EPHB2: variants seen among roughly 807,000 people sequenced by gnomAD.
EPHB2 encodes the protein ephrin type-B receptor 2.
A neutral mutation model predicts 96.4 loss-of-function variants in EPHB2; 18 were observed. The observed-to-expected ratio is 0.19, with a 90% CI of 0.13 to 0.28. The LOEUF (loss-of-function observed/expected upper bound fraction) is 0.28, where lower values mean the gene tolerates loss of function less well. EPHB2 is among the 10% of genes least tolerant of loss of function. The pLI is 1.00. For missense variants in EPHB2, 989 were observed against 1,355.4 expected (o/e 0.73, Z 4.25); for synonymous variants, 506 against 534.1 (o/e 0.95, Z 0.72).
intron 5 of EPHB2, among the ~76,000 whole-genome samples, chr1:22,869,311 A>G (rs908225940): frequency 3.3e-5 from 5 of 152,110 alleles, no homozygotes; most frequent in African/African-American, 1.2e-4. Context: ...CTCCAAGTCT[A>G]CACTGTTCTG....
rs144650610 is a variant in EPHB2 at position 22,801,180 on chromosome 1, A to T, written c.811+16104A>T. 4.9e-4 allele frequency among the ~76,000 whole-genome samples: 75 copies of T among 152,244 alleles called. 1 individual carries two copies. In the East Asian group the frequency reaches 0.014, roughly 29 times the overall value. ...CGATAGGCACAGGGTGGTGGTGAAG[A>T]TGTGAGTGGTGAAGCCCCTGCCAAG... On this transcript the variant is annotated intron_variant, in intron 3 of 15. Coordinates refer to ENST00000374630, the MANE Select transcript of EPHB2 (RefSeq NM_017449.5).
intron 3 of EPHB2, among the ~76,000 whole-genome samples, chr1:22,856,241 G>C (rs987483593): frequency 7.9e-5 from 12 of 152,224 alleles, no homozygotes; most frequent in Admixed American, 5.9e-4. Flanking sequence ...GCCAGGCCCA[G>C]ATGGAGTCCT....
rs1491003145 is a variant in EPHB2, at chr1:22,913,919, A to G, written c.*349A>G. 2.6e-6 allele frequency: 4 copies of G among 1,510,228 alleles called. No individual in the cohort carries two copies. The highest frequency in any genetic ancestry group is 1.4e-5 in the African/African-American group (1 of 71,620). The allele number at this position is 1,510,228 out of a possible 1,614,324, so 93.6% of individuals were successfully genotyped here. A position where few individuals can be genotyped will look rare whatever the true frequency, so the allele number is the denominator to read the frequency against. On this transcript the variant is annotated 3_prime_UTR_variant, in exon 16 of 16. Transcript: ENST00000374630. This position sits in a 1 kb window ranked among gnomAD's most constrained non-coding sequence, Gnocchi z 4.1. ...GATGTGTCCAATCGGAGACAAAAGCAGTTTCTCTCCAACTCCCTCTGGGAA... is the reference window on the plus strand; with the variant it reads ...GATGTGTCCAATCGGAGACAAAAGCGGTTTCTCTCCAACTCCCTCTGGGAA...
At position 22,733,757 on chromosome 1, in the gene EPHB2, C is replaced by T. The variant is rs12566963; in HGVS notation, c.61+22714C>T. ...AGCCCATGCTCATGACACGCTACTA[C>T]ATCAGGCTGGTATGATTTGGTGGGG... On this transcript the variant is annotated intron_variant, in intron 1 of 15. Coordinates refer to ENST00000374630, the MANE Select transcript of EPHB2 (RefSeq NM_017449.5). This position sits in a 1 kb window ranked among gnomAD's most constrained non-coding sequence, Gnocchi z 4.6. 2.2e-3 allele frequency among the ~76,000 whole-genome samples: 337 copies of T among 152,336 alleles called. 8 individuals are homozygous for T. In the East Asian group the frequency reaches 0.057, roughly 26 times the overall value.
At chr1:22,883,967 C>T (rs964106030) in intron 6 of EPHB2, among the ~76,000 whole-genome samples, 4 of 152,094 alleles carry the variant, frequency 2.6e-5, no homozygotes, top group African/African-American at 9.7e-5. Context: ...TCATGCCTGC[C>T]GTCCCCCCAC....
Position 22,711,006 on chromosome 1 carries a change from C to A in EPHB2, c.24C>A (p.Ala8=), listed in dbSNP as rs1449882961. MALRRLG[A]ALLLLPLLAA... is the part of the protein sequence containing the mutation. The stretch of plus-strand genomic sequence containing the variant: ...CCATGGCTCTGCGGAGGCTGGGGGC[C>A]GCGCTGCTGCTGCTGCCGCTGCTCG... Residue 8 remains alanine, a synonymous_variant, in exon 1 of 16, where the codon GCC becomes GCA. Coordinates refer to ENST00000374630, the MANE Select transcript of EPHB2 (RefSeq NM_017449.5). 3 of 151,754 alleles carry A rather than the reference C, an allele frequency of 2.0e-5. No homozygotes were observed. In the South Asian group the frequency reaches 4.9e-4, roughly 25 times the overall value. The allele number at this position is 151,754 out of a possible 1,614,324, so 9.4% of individuals were successfully genotyped here.
intron 1 of EPHB2, among the ~76,000 whole-genome samples, chr1:22,739,496 C>T (rs1029826536): frequency 3.3e-5 from 5 of 152,178 alleles, no homozygotes; most frequent in Non-Finnish European, 5.9e-5. Flanking sequence ...GATTACAGAC[C>T]TGAGCCACTG....
At chr1:22,803,789 T>C (rs1269731467) in intron 3 of EPHB2, among the ~76,000 whole-genome samples, 1 of 150,282 alleles carries the variant, frequency 6.7e-6, no homozygotes, top group East Asian at 2.0e-4. Context: ...CGATGCATGT[T>C]TGTGGTTCCA....
At position 22,801,118 on chromosome 1, in the gene EPHB2, TC is replaced by T. The variant is rs567796081; in HGVS notation, c.811+16045del. Among the ~76,000 whole-genome samples, 14 of 152,328 alleles carry T rather than the reference TC, an allele frequency of 9.2e-5. No individual in the cohort carries two copies. In the East Asian group the frequency reaches 2.7e-3, roughly 29 times the overall value. ...TTCTAGCTGTATGGCCTTGGCCATT[TC>T]CCGTCATTTCCTGAGCCTCGGGTTC... is the stretch of plus-strand genomic sequence containing the variant. On this transcript the variant is annotated intron_variant, in intron 3 of 15. Coordinates refer to ENST00000374630, the MANE Select transcript of EPHB2 (RefSeq NM_017449.5).
At position 22,863,281 on chromosome 1, in the gene EPHB2, G is replaced by A. The variant is rs188204221; in HGVS notation, c.967+89G>A. ...TCAGAGTGAGGATTGGGTGCCGTCC[G>A]GTTACAGCCAGTCTTTCCCTGGTGG... On this transcript the variant is annotated intron_variant, in intron 4 of 15. Coordinates refer to ENST00000374630, the MANE Select transcript of EPHB2 (RefSeq NM_017449.5). The A allele has an allele frequency of 6.0e-5, 96 of 1,590,472 alleles. No individual in the cohort carries two copies. The East Asian group carries it at 1.2e-3, about 19-fold the overall frequency.
intron 3 of EPHB2, among the ~76,000 whole-genome samples, chr1:22,792,470 A>G (rs1422408707): frequency 6.6e-6 from 1 of 152,180 alleles, no homozygotes; most frequent in African/African-American, 2.4e-5. Context: ...GGAATTAGAT[A>G]GGGACCCTGG....
At chr1:22,778,964 AG>A (rs1557668480) in intron 1 of EPHB2, among the ~76,000 whole-genome samples, 1 of 152,144 alleles carries the variant, frequency 6.6e-6, no homozygotes, top group Non-Finnish European at 1.5e-5. Context: ...CCAGGAATCT[AG>A]CCAAGGGATG....
At chr1:22,819,524 T>C (rs2148472202) in intron 3 of EPHB2, among the ~76,000 whole-genome samples, 1 of 152,214 alleles carries the variant, frequency 6.6e-6, no homozygotes, top group South Asian at 2.1e-4. Context: ...AACCAAGTTA[T>C]AAATAAGTAA....
At chr1:22,767,323 A>T (rs1370018243) in intron 1 of EPHB2, among the ~76,000 whole-genome samples, 1 of 152,132 alleles carries the variant, frequency 6.6e-6, no homozygotes, top group Non-Finnish European at 1.5e-5. Flanking sequence ...TACCTGCATC[A>T]GCTCTCACCT....
Position 22,906,948 on chromosome 1 carries a change from C to T in EPHB2, c.2127C>T (p.Ser709=), listed in dbSNP as rs1329983524. ...TCATGGAGAATGGCTCCCTGGACTC[C>T]TTTCTCCGGGTAGGGGAAGCCAAGA... ...TEFMENGSLD[S]FLRQNDGQFT... Residue 709 remains serine (S), a synonymous_variant, in exon 11 of 16, where the codon TCC becomes TCT. Transcript: ENST00000374630. The surrounding 1 kb of genome is among the most constrained non-coding windows in gnomAD (Gnocchi z 4.8). 1.9e-6 allele frequency: 3 copies of T among 1,608,748 alleles called. No individual in the cohort carries two copies. The African/African-American group carries it at 4.0e-5, about 22-fold the overall frequency.
intron 3 of EPHB2, among the ~76,000 whole-genome samples, chr1:22,825,208 C>T (rs1645206179): frequency 1.3e-5 from 2 of 152,180 alleles, no homozygotes; most frequent in African/African-American, 4.8e-5. Context: ...CAGCCCCATT[C>T]GTTAGTTATA....
At chr1:22,834,116 G>A (rs1209141308) in intron 3 of EPHB2, among the ~76,000 whole-genome samples, 2 of 151,872 alleles carry the variant, frequency 1.3e-5, no homozygotes, top group East Asian at 1.9e-4. Flanking sequence ...GGATATTTTA[G>A]CATAGCTTTC....
chr1:22,829,248 A>T (rs1421944083), intron 3 of EPHB2, among the ~76,000 whole-genome samples: 1 of 152,216 alleles, frequency 6.6e-6, no homozygotes, highest in East Asian at 1.9e-4. Context: ...CTTGGCAGGG[A>T]AGGTGGGAGC....
At chr1:22,762,415 G>T (rs1029111277) in intron 1 of EPHB2, among the ~76,000 whole-genome samples, 3 of 152,116 alleles carry the variant, frequency 2.0e-5, no homozygotes, top group Non-Finnish European at 4.4e-5. Flanking sequence ...CTCTTCTGGG[G>T]GCCTGGAAAC....
Sources: allele counts gnomAD v4.1 joint callset (sites outside exome capture counted in the v4.1 genomes callset), GRCh38; gene constraint gnomAD v4.1.1; non-coding constraint Gnocchi (gnomAD v3.1); transcripts MANE v1.5; gene names NCBI Gene and HGNC (gene_info 2026-07-23, HGNC 2026-07-21).